Variants in SLC26A5 observed in about 807,000 individuals in gnomAD.
SLC26A5 encodes the protein prestin.
A neutral mutation model predicts 81.0 loss-of-function variants in SLC26A5; 51 were observed. The observed-to-expected ratio is 0.63, with a 90% CI of 0.50 to 0.80. The LOEUF is 0.80. Ranked by LOEUF, SLC26A5 falls within the 30% of genes least tolerant of loss-of-function variation. The pLI is 0.00. For missense variants in SLC26A5, 771 were observed against 905.8 expected, an observed-to-expected ratio of 0.85 and a Z score of 1.91; for synonymous variants, 325 against 332.8, an observed-to-expected ratio of 0.98 and a Z score of 0.25.
intron 2 of SLC26A5, among the ~76,000 whole-genome samples, chr7:103,439,306 A>C (rs1412974295): frequency 6.6e-6 from 1 of 152,198 alleles, no homozygotes; most frequent in African/African-American, 2.4e-5. Context: ...GAGGTATAAC[A>C]AGGAAGAAAG....
At chr7:103,439,220 G>C (rs1018183848) in intron 2 of SLC26A5, among the ~76,000 whole-genome samples, 1 of 152,128 alleles carries the variant, frequency 6.6e-6, no homozygotes, top group Admixed American at 6.5e-5. Context: ...GCCAGCCTTG[G>C]GGGAAAGGAA....
Position 103,380,561 on chromosome 7 carries a change from G to A in SLC26A5, c.1515-12C>T, listed in dbSNP as rs1332059434. ...CTTTGTAGCTTGGACTGAAGATAAA[G>A]AGTGTTAAATACCATTGTGTTGAGG... On this transcript the variant is annotated splice_polypyrimidine_tract_variant and intron_variant, in intron 14 of 19. Transcript: ENST00000306312. 3.7e-6 allele frequency: 6 copies of A among 1,611,332 alleles called. No homozygotes were observed. Among genetic ancestry groups the A allele is most frequent in the Middle Eastern group, 1.6e-4 (1 of 6,074 alleles).
intron 19 of SLC26A5, among the ~76,000 whole-genome samples, chr7:103,357,443 G>A (rs979454966): frequency 1.3e-5 from 2 of 151,480 alleles, no homozygotes; most frequent in African/African-American, 4.8e-5. Context: ...TTTGGTTTTC[G>A]TCTTCATGGT....
At chr7:103,398,595 G>A (rs553914235) in intron 8 of SLC26A5, among the ~76,000 whole-genome samples, 34 of 152,248 alleles carry the variant, frequency 2.2e-4, no homozygotes, top group African/African-American at 7.7e-4. Context: ...CGCCCATCCT[G>A]GATTGGCAGG....
intron 14 of SLC26A5, among the ~76,000 whole-genome samples, chr7:103,385,107 T>C (rs1471577381): frequency 6.6e-6 from 1 of 152,186 alleles, no homozygotes; most frequent in Non-Finnish European, 1.5e-5. Flanking sequence ...TTATAACACA[T>C]GCAAGTGCCT....
At chr7:103,410,624 C>T (rs1420591877) in intron 6 of SLC26A5, 75 bp from the exon 7 acceptor site, 2 of 1,342,170 alleles carry the variant, frequency 1.5e-6, no homozygotes, top group East Asian at 2.5e-5. Flanking sequence ...AGCAAATATA[C>T]AAGTTCTTTC....
At chr7:103,357,602 C>A (rs1459620399) in intron 19 of SLC26A5, among the ~76,000 whole-genome samples, 1 of 152,174 alleles carries the variant, frequency 6.6e-6, no homozygotes, top group Non-Finnish European at 1.5e-5. Flanking sequence ...CCTTTCCTAT[C>A]CCCTCATCCT....
chr7:103,382,243 A>T (rs1252315347), intron 14 of SLC26A5, among the ~76,000 whole-genome samples: 4 of 152,110 alleles, frequency 2.6e-5, no homozygotes, highest in African/African-American at 9.7e-5. Flanking sequence ...GGGAGTAGTC[A>T]ATTGAGGGCG....
At chr7:103,427,851 C>CTTTTTTTTTTTTTT (rs60928156) in intron 2 of SLC26A5, among the ~76,000 whole-genome samples, 1 of 143,978 alleles carries the variant, frequency 6.9e-6, no homozygotes, top group African/African-American at 2.6e-5. Context: ...TCTAGAGATT[C>CTTTTTTTTTTTTTT]TTTTTTTTTT....
At position 103,393,130 on chromosome 7, in the gene SLC26A5, G is replaced by A. The variant is rs568425418; in HGVS notation, c.972-64C>T. 3.1e-5 allele frequency: 49 copies of A among 1,582,816 alleles called. No individual in the cohort carries two copies. In the African/African-American group the frequency reaches 4.2e-4, roughly 14 times the overall value. On this transcript the variant is annotated intron_variant, in intron 9 of 19. Transcript: ENST00000306312. ...CAAGGGAAAAGAAAAAAAACCTTGCGACTGCAGGGAAGCATTTTAGGGGGG... is the reference window on the plus strand; with the variant it reads ...CAAGGGAAAAGAAAAAAAACCTTGCAACTGCAGGGAAGCATTTTAGGGGGG...
At chr7:103,427,746 C>T (rs1444682235) in intron 2 of SLC26A5, among the ~76,000 whole-genome samples, 2 of 151,964 alleles carry the variant, frequency 1.3e-5, no homozygotes, top group Non-Finnish European at 2.9e-5. Context: ...AGTTGTTCTA[C>T]GTTGTTATGG....
At chr7:103,427,670 T>A (rs1237266940) in intron 2 of SLC26A5, among the ~76,000 whole-genome samples, 3 of 152,126 alleles carry the variant, frequency 2.0e-5, no homozygotes, top group Non-Finnish European at 4.4e-5. Context: ...TGTGGTTTTG[T>A]GGTAGATGCT....
At chr7:103,438,079 T>C (rs1215639963) in intron 2 of SLC26A5, among the ~76,000 whole-genome samples, 3 of 151,864 alleles carry the variant, frequency 2.0e-5, no homozygotes, top group Non-Finnish European at 4.4e-5. Context: ...CATAGGAGAG[T>C]GGTGCCAGGA....
At chr7:103,414,999 C>A (rs757334705) in intron 4 of SLC26A5, among the ~76,000 whole-genome samples, 1 of 152,188 alleles carries the variant, frequency 6.6e-6, no homozygotes, top group African/African-American at 2.4e-5. Flanking sequence ...CTGGGTCATT[C>A]ATTCATAGCT....
At chr7:103,397,721 A>G (rs1823252442) in intron 9 of SLC26A5, among the ~76,000 whole-genome samples, 1 of 151,592 alleles carries the variant, frequency 6.6e-6, no homozygotes, top group Non-Finnish European at 1.5e-5. Flanking sequence ...CGTCTCAAAA[A>G]AAAAAAAAAA....
At position 103,368,947 on chromosome 7, in the gene SLC26A5, C is replaced by T. The variant is rs564707066; in HGVS notation, c.2041+7861G>A. On this transcript the variant is annotated intron_variant, in intron 19 of 19. Coordinates refer to the SLC26A5 transcript ENST00000339444. ...CCTCAACATCTCTTTAAAATTACCT[C>T]CTGTGTAACCACCACCAAATCCTAT... 6.6e-4 allele frequency: 100 copies of T among 152,226 alleles called. 1 individual carries two copies. Among genetic ancestry groups the T allele is most frequent in the African/African-American group, 2.3e-3 (96 of 41,526 alleles). 9.4% of individuals were successfully genotyped at this position (152,226 alleles called of 1,614,324 possible). A position where few individuals can be genotyped will look rare whatever the true frequency, so the allele number is the denominator to read the frequency against.
intron 19 of SLC26A5, among the ~76,000 whole-genome samples, chr7:103,376,557 ATAT>A (rs1359838810): frequency 1.2e-4 from 19 of 152,172 alleles, no homozygotes; most frequent in Non-Finnish European, 2.6e-4. Flanking sequence ...GCAGCCATTA[ATAT>A]TATAATAAAT....
intron 7 of SLC26A5, 130 bp downstream of exon 7, chr7:103,410,255 A>T: frequency 1.2e-6 from 1 of 814,002 alleles, no homozygotes; most frequent in Non-Finnish European, 2.0e-6. Flanking sequence ...GAATAAATGA[A>T]TTTTTCCCTT....
intron 2 of SLC26A5, among the ~76,000 whole-genome samples, chr7:103,422,897 C>T (rs1412620608): frequency 6.6e-6 from 1 of 151,996 alleles, no homozygotes; most frequent in Non-Finnish European, 1.5e-5. Flanking sequence ...ATTGTGAGGG[C>T]TACTAATGTT....
Sources: gnomAD v4.1 joint callset for allele counts (sites outside exome capture counted in the v4.1 genomes callset) on GRCh38, gnomAD v4.1.1 for gene constraint, MANE v1.5 for transcripts, NCBI Gene and HGNC (gene_info 2026-07-23, HGNC 2026-07-21) for gene names.